UBAP2: variants seen among roughly 807,000 people sequenced by gnomAD.
UBAP2 encodes the protein ubiquitin-associated protein 2.
UBAP2 carries 75 observed loss-of-function variants against 139.6 expected under a neutral mutation model. The ratio of observed to expected loss-of-function variants is 0.54; its 90% CI spans 0.45 to 0.65. UBAP2 has a LOEUF of 0.65. UBAP2 is among the 30% of genes least tolerant of loss of function. The probability of loss-of-function intolerance (pLI) is 0.00; values close to 1 mark genes in which losing one functional copy is unlikely to be tolerated. For missense variants in UBAP2, 1,368 were observed against 1,369.6 expected (o/e 1.00, Z 0.02); for synonymous variants, 526 against 526.2 (o/e 1.00, Z 0.01).
intron 1 of UBAP2, among the ~76,000 whole-genome samples, chr9:34,043,461 C>A (rs1564078470): frequency 6.6e-6 from 1 of 152,150 alleles, no homozygotes; most frequent in Non-Finnish European, 1.5e-5. Flanking sequence ...GCCACCACAC[C>A]CAAACTATGC....
chr9:33,953,188 A>T, intron 12 of UBAP2, 97 bp downstream of exon 12: 1 of 1,206,132 alleles, frequency 8.3e-7, no homozygotes, highest in Non-Finnish European at 1.1e-6. Context: ...ATATTTTTAT[A>T]TTTAGAAAGT....
intron 13 of UBAP2, among the ~76,000 whole-genome samples, 159 bp from the exon 14 acceptor site, chr9:33,944,798 G>A (rs940077783): frequency 3.3e-5 from 5 of 152,042 alleles, no homozygotes; most frequent in Non-Finnish European, 5.9e-5. Context: ...TATGATAAAC[G>A]GGAAAAGTTC....
In UBAP2 at chr9:34,035,513, A is replaced by AT. The variant is rs1181258678; in HGVS notation, c.-42+13311_-42+13312insA. ...CGAGACTCCATCTAAAAAAAAAAAA[A>AT]AATATATATATATAAAGATTAGCCA... On this transcript the variant is annotated intron_variant, in intron 1 of 28. Transcript: ENST00000379238. Among the ~76,000 whole-genome samples, 462 of 72,188 alleles carry AT rather than the reference A, an allele frequency of 6.4e-3. 16 individuals carry two copies. The highest frequency in any genetic ancestry group is 0.019 in the African/African-American group (431 of 22,556). The allele number at this position is 72,188 out of a possible 152,430, so 47.4% of individuals were successfully genotyped here. A position where few individuals can be genotyped will look rare whatever the true frequency, so the allele number is the denominator to read the frequency against.
At chr9:34,017,714 CAGG>C (rs1373709607) in intron 1 of UBAP2, among the ~76,000 whole-genome samples, 19 of 152,090 alleles carry the variant, frequency 1.2e-4, no homozygotes, top group Non-Finnish European at 2.6e-4. Flanking sequence ...ATCATGAGGT[CAGG>C]AGATCGAGAC....
At chr9:34,003,429 T>C (rs930438785) in intron 2 of UBAP2, among the ~76,000 whole-genome samples, 5 of 150,266 alleles carry the variant, frequency 3.3e-5, no homozygotes, top group African/African-American at 1.2e-4. Context: ...TGGAGTGCAG[T>C]GGCGTGATCG....
At chr9:34,022,601 G>A (rs997108964) in intron 1 of UBAP2, among the ~76,000 whole-genome samples, 3 of 151,412 alleles carry the variant, frequency 2.0e-5, no homozygotes, top group Non-Finnish European at 4.4e-5. Flanking sequence ...GTGCCCAGCC[G>A]ATTTTTTTTG....
intron 2 of UBAP2, among the ~76,000 whole-genome samples, chr9:34,006,407 C>T (rs925305629): frequency 2.0e-5 from 3 of 152,068 alleles, no homozygotes; most frequent in African/African-American, 7.2e-5. Context: ...TAGTCAGGTA[C>T]AGCAGTTCAC....
At chr9:33,962,680 A>ATAAATAAATAATTAATTAAT (rs368021223) in intron 9 of UBAP2, among the ~76,000 whole-genome samples, 11 of 145,650 alleles carry the variant, frequency 7.6e-5, no homozygotes, top group African/African-American at 2.5e-4. Context: ...AAATAAATAA[A>ATAAATAAATAATTAATTAAT]TAATTAAAAA....
chr9:33,922,879 C>A lies in UBAP2; in HGVS notation c.3073-1G>T. On this transcript the variant is annotated splice_acceptor_variant, in intron 27 of 28. Transcript: ENST00000379238. LOFTEE classifies it high-confidence loss of function. The stretch of plus-strand genomic sequence containing the variant: ...CATGAAATCCCTGCTTGTCAAAAGT[C>A]TACAGGGCAAAGAAGACAATGGTGA... 6.2e-7 allele frequency: 1 copy of A among 1,603,012 alleles called. No individual in the cohort carries two copies. The highest frequency in any genetic ancestry group is 8.5e-7 in the Non-Finnish European group (1 of 1,172,986).
Position 33,944,374 on chromosome 9 carries a change from T to C in UBAP2, c.1536A>G (p.Pro512=). The stretch of plus-strand genomic sequence containing the variant: ...ATGATGAAATGCCCACCTTAGAAGC[T>C]GGGGGTATCCGCCGCTTAGCAAGTT... The part of the protein sequence containing the change: ...HIKLAKRRIP[P]ASKIPASAVE... Residue 512 remains proline, a synonymous_variant, in exon 14 of 29, where the codon CCA becomes CCG. Coordinates refer to ENST00000379238, the MANE Select transcript of UBAP2 (RefSeq NM_001370062.2). The C allele has an allele frequency of 1.9e-6, 3 of 1,612,138 alleles. No homozygotes were observed. The highest frequency in any genetic ancestry group is 1.1e-5 in the South Asian group (1 of 91,072).
intron 2 of UBAP2, among the ~76,000 whole-genome samples, chr9:34,002,034 A>G (rs907924192): frequency 6.6e-6 from 1 of 151,734 alleles, no homozygotes; most frequent in African/African-American, 2.4e-5. Context: ...ACAGCTCACC[A>G]TGGCCTCGAC....
chr9:33,989,173 C>T, intron 4 of UBAP2, 47 bp from the exon 5 acceptor site: 6 of 1,456,470 alleles, frequency 4.1e-6, no homozygotes, highest in Non-Finnish European at 5.6e-6. Context: ...AAAGTGTGTA[C>T]AATTATCAAA....
At chr9:33,954,633 T>C (rs550468373) in intron 11 of UBAP2, among the ~76,000 whole-genome samples, 108 of 152,260 alleles carry the variant, frequency 7.1e-4, no homozygotes, top group African/African-American at 2.1e-3. Flanking sequence ...TCCTGACACA[T>C]GGCAAAGTTC....
intron 20 of UBAP2, among the ~76,000 whole-genome samples, 196 bp downstream of exon 20, chr9:33,927,601 C>T (rs1015100426): frequency 5.9e-4 from 90 of 152,302 alleles, no homozygotes; most frequent in African/African-American, 2.1e-3. Flanking sequence ...GCTAGAAGCA[C>T]GCAGAGGCCA....
At chr9:34,027,322 AT>A (rs142595753) in intron 1 of UBAP2, among the ~76,000 whole-genome samples, 1,777 of 152,192 alleles carry the variant, frequency 0.012, 33 homozygotes, top group African/African-American at 0.04. Context: ...CCTACTAAAA[AT>A]ACAAAAAATA....
intron 1 of UBAP2, among the ~76,000 whole-genome samples, chr9:34,018,344 T>C (rs1473023765): frequency 2.0e-5 from 3 of 151,706 alleles, no homozygotes; most frequent in African/African-American, 7.3e-5. Context: ...TGTTTAATTT[T>C]AAAAACACAG....
chr9:33,959,264 T>G (rs1367996036), intron 10 of UBAP2, among the ~76,000 whole-genome samples: 1 of 151,612 alleles, frequency 6.6e-6, no homozygotes, highest in Non-Finnish European at 1.5e-5. Flanking sequence ...TGTGAAGGAG[T>G]AGTAAGACCC....
chr9:34,011,785 A>G (rs1823767014), intron 2 of UBAP2: 1 of 338,054 alleles, frequency 3.0e-6, no homozygotes, highest in Admixed American at 6.4e-5. Context: ...AAGTTGAAAA[A>G]TATCTTGCCA....
rs1348144909 is a variant in UBAP2 at position 33,930,215 on chromosome 9, C to T, written c.2176-2223G>A. On this transcript the variant is annotated intron_variant, in intron 19 of 28. Coordinates refer to ENST00000379238, the MANE Select transcript of UBAP2 (RefSeq NM_001370062.2). Reference sequence around the variant, plus strand: ...TGGTGTAATAGGATATTTCATTCACCGCCAGTGGGAGGTAAACAGGGTTGA... The same window carrying T: ...TGGTGTAATAGGATATTTCATTCACTGCCAGTGGGAGGTAAACAGGGTTGA... Among the ~76,000 whole-genome samples, 2 of 152,072 alleles carry T rather than the reference C, an allele frequency of 1.3e-5. 1 individual carries two copies. The highest frequency in any genetic ancestry group is 4.8e-5 in the African/African-American group (2 of 41,404).
Sources: allele counts gnomAD v4.1 joint callset (sites outside exome capture counted in the v4.1 genomes callset), GRCh38; gene constraint gnomAD v4.1.1; transcripts MANE v1.5; gene names NCBI Gene and HGNC (gene_info 2026-07-23, HGNC 2026-07-21).